Variants in MYO5B observed in about 807,000 individuals in gnomAD.
MYO5B encodes the protein unconventional myosin-Vb.
In MYO5B, 143 loss-of-function variants were observed where a neutral mutation model predicts 229.3. The ratio of observed to expected loss-of-function variants is 0.62; its 90% CI spans 0.54 to 0.72. The LOEUF (loss-of-function observed/expected upper bound fraction) is 0.72. MYO5B is among the 30% of genes least tolerant of loss of function. MYO5B has a pLI of 0.00. For synonymous variants in MYO5B, 918 were observed against 885.2 expected (o/e 1.04, Z -0.66); for missense variants, 2,321 against 2,331.0 (o/e 1.00, Z 0.09).
rs1276857378 is a variant in MYO5B, at chr18:49,837,744, G to A, written c.4911C>T (p.Gly1637=). ...CCATGCTGGAGGAGCGCTTCCGGTA[G>A]CCGGTGGGCTTCACACCAGATAGAC... ...IQGLSGVKPT[G]YRKRSSSMAD... Residue 1637 remains glycine (G), a synonymous_variant, in exon 37 of 40, where the codon GGC becomes GGT. Coordinates refer to ENST00000285039, the MANE Select transcript of MYO5B (RefSeq NM_001080467.3). 2.5e-6 allele frequency: 4 copies of A among 1,614,064 alleles called. No homozygotes were observed. Among genetic ancestry groups the A allele is most frequent in the Non-Finnish European group, 3.4e-6 (4 of 1,180,038 alleles).
intron 2 of MYO5B, among the ~76,000 whole-genome samples, chr18:50,053,890 C>A (rs2030471600): frequency 6.6e-6 from 1 of 152,152 alleles, no homozygotes; most frequent in Non-Finnish European, 1.5e-5. Context: ...TATCTCCAAC[C>A]CAAACCTTTT....
In MYO5B at chr18:49,887,600, A is replaced by G. The variant is rs538954204; in HGVS notation, c.3046-7145T>C. On this transcript the variant is annotated intron_variant, in intron 22 of 39. Coordinates refer to ENST00000285039, the MANE Select transcript of MYO5B (RefSeq NM_001080467.3). ...CTCCCTGAGGCCCTCATCAGGACAG[A>G]TGCCAGCACTACACTTCCTGTACAG... Among the ~76,000 whole-genome samples the G allele has an allele frequency of 3.9e-5, 6 of 152,226 alleles. No individual in the cohort carries two copies. In the East Asian group the frequency reaches 1.2e-3, roughly 29 times the overall value.
chr18:50,166,014 C>T (rs2032846115), intron 1 of MYO5B, among the ~76,000 whole-genome samples: 2 of 152,194 alleles, frequency 1.3e-5, no homozygotes, highest in African/African-American at 4.8e-5. Context: ...CAAGCATGCT[C>T]CCACCAAAGT....
intron 4 of MYO5B, among the ~76,000 whole-genome samples, chr18:50,024,272 T>G (rs1172060954): frequency 6.6e-6 from 1 of 152,184 alleles, no homozygotes; most frequent in East Asian, 1.9e-4. Context: ...AGACTCTAAA[T>G]AGTTCAAACA....
intron 14 of MYO5B, among the ~76,000 whole-genome samples, chr18:49,950,855 A>G (rs530413835): frequency 2.0e-4 from 30 of 152,312 alleles, no homozygotes; most frequent in African/African-American, 7.2e-4. Flanking sequence ...TGCATCTGCT[A>G]TCCTTAGAAA....
intron 1 of MYO5B, among the ~76,000 whole-genome samples, chr18:50,072,570 G>A (rs969027066): frequency 2.6e-5 from 4 of 152,070 alleles, no homozygotes; most frequent in African/African-American, 7.2e-5. Context: ...ACCTCACAAG[G>A]GCATCAAAAG....
intron 4 of MYO5B, among the ~76,000 whole-genome samples, chr18:50,002,232 C>A (rs1279522376): frequency 3.3e-5 from 5 of 152,020 alleles, no homozygotes; most frequent in African/African-American, 1.2e-4. Context: ...ATAGGTAGGT[C>A]ACAAAGGGCA....
intron 1 of MYO5B, among the ~76,000 whole-genome samples, chr18:50,062,268 A>G (rs900165811): frequency 6.6e-6 from 1 of 152,186 alleles, no homozygotes; most frequent in African/African-American, 2.4e-5. Flanking sequence ...CAGTTGCAAC[A>G]ACGCCTTGAC....
At chr18:49,912,226 C>T (rs374426317) in intron 17 of MYO5B, 53 bp from the exon 18 acceptor site, 66 of 1,403,310 alleles carry the variant, frequency 4.7e-5, no homozygotes, top group Non-Finnish European at 6.6e-5. Context: ...CTTGGCCACA[C>T]AAAAGCCAGG....
At chr18:50,002,375 C>G (rs112766396) in intron 4 of MYO5B, among the ~76,000 whole-genome samples, 166 of 151,908 alleles carry the variant, frequency 1.1e-3, no homozygotes, top group African/African-American at 3.7e-3. Flanking sequence ...GATAGAAACA[C>G]CTCTGTAGTT....
intron 1 of MYO5B, among the ~76,000 whole-genome samples, chr18:50,123,452 A>G (rs1391789427): frequency 2.0e-5 from 3 of 152,214 alleles, no homozygotes; most frequent in African/African-American, 7.2e-5. Context: ...AAAATTGGCC[A>G]GGTGAGGTGG....
Position 49,870,294 on chromosome 18 carries a change from A to C in MYO5B, c.3603+1873T>G, listed in dbSNP as rs145110866. On this transcript the variant is annotated intron_variant, in intron 27 of 39. Transcript: ENST00000285039. Reference sequence around the variant, plus strand: ...CACATCTTCAACAAAGATTAACTCAAAGTGGATCAAAGGCCTAAATGTAAG... The same window carrying C: ...CACATCTTCAACAAAGATTAACTCACAGTGGATCAAAGGCCTAAATGTAAG... 2.7e-3 allele frequency among the ~76,000 whole-genome samples: 412 copies of C among 152,330 alleles called. 2 individuals are homozygous for C. The highest frequency in any genetic ancestry group is 9.6e-3 in the African/African-American group (399 of 41,578).
Position 49,855,749 on chromosome 18 carries a change from G to A in MYO5B, c.4022+1064C>T, listed in dbSNP as rs116292856. 2.8e-3 allele frequency among the ~76,000 whole-genome samples: 420 copies of A among 152,308 alleles called. 2 individuals are homozygous for A. The highest frequency in any genetic ancestry group is 9.5e-3 in the African/African-American group (393 of 41,568). On this transcript the variant is annotated intron_variant, in intron 30 of 39. Coordinates refer to ENST00000285039, the MANE Select transcript of MYO5B (RefSeq NM_001080467.3). ...TTGTGGGGCCACATCTGAACCCAGA[G>A]AAACACTACCCTGTCAATCAGCTGA...
In MYO5B at chr18:49,984,740, A is replaced by G. The variant is rs2025852941; in HGVS notation, c.924T>C (p.Thr308=). ...GVDDAEDFEK[T]RQAFTLLGVK... The stretch of plus-strand genomic sequence containing the variant: ...TACCGAGGAGTGTGAAGGCTTGTCG[A>G]GTCTTCTCAAAGTCCTCAGCATCGT... The change falls in exon 8 of 40, where the codon ACT becomes ACC. Residue 308 remains threonine, a synonymous_variant. Transcript: ENST00000285039. 1.2e-6 allele frequency: 2 copies of G among 1,612,964 alleles called. No homozygotes were observed. The highest frequency in any genetic ancestry group is 1.7e-6 in the Non-Finnish European group (2 of 1,178,924).
chr18:49,997,326 T>C (rs901645218), intron 5 of MYO5B, among the ~76,000 whole-genome samples: 6 of 147,638 alleles, frequency 4.1e-5, no homozygotes, highest in Admixed American at 3.3e-4. Flanking sequence ...ATATCTGGTC[T>C]TCATCATCAT....
rs11426659 is a variant in MYO5B, at chr18:50,136,364, CTTTTTTT to C, written c.27+58396_27+58402del. 3.3e-4 allele frequency among the ~76,000 whole-genome samples: 43 copies of C among 131,782 alleles called. 1 individual carries two copies. Among genetic ancestry groups the C allele is most frequent in the African/African-American group, 1.2e-3 (42 of 34,710 alleles). 86.5% of individuals were successfully genotyped at this position (131,782 alleles called of 152,430 possible). A position where few individuals can be genotyped will look rare whatever the true frequency, so the allele number is the denominator to read the frequency against. On this transcript the variant is annotated intron_variant, in intron 1 of 39. Coordinates refer to ENST00000285039, the MANE Select transcript of MYO5B (RefSeq NM_001080467.3). Reference sequence around the variant, plus strand: ...ATATTTGTTTTTTGTTTTTTTTTTACTTTTTTTTTTTTTTTTGCATCCATGCAAATTG... The same window carrying C: ...ATATTTGTTTTTTGTTTTTTTTTTACTTTTTTTTTGCATCCATGCAAATTG...
Position 49,962,193 on chromosome 18 carries a change from T to G in MYO5B, c.1545+73A>C, listed in dbSNP as rs2025566949. The G allele has an allele frequency of 9.4e-6, 15 of 1,593,214 alleles. No individual in the cohort carries two copies. In the South Asian group the frequency reaches 1.1e-4, roughly 12 times the overall value. ...GCTGATCACAGATGAAATTCCACCTTTGAGATCTTATGTGATTTCCTTGTA... is the reference window on the plus strand; with the variant it reads ...GCTGATCACAGATGAAATTCCACCTGTGAGATCTTATGTGATTTCCTTGTA... On this transcript the variant is annotated intron_variant, in intron 12 of 39. Transcript: ENST00000285039.
At chr18:49,902,553 C>T in intron 21 of MYO5B, 41 bp downstream of exon 21, 1 of 1,604,212 alleles carries the variant, frequency 6.2e-7, no homozygotes, top group Non-Finnish European at 8.5e-7. Context: ...GCTCCAGTAC[C>T]CAAGCCCCCG....
chr18:49,973,988 T>C (rs1357623976), intron 10 of MYO5B, among the ~76,000 whole-genome samples: 1 of 152,184 alleles, frequency 6.6e-6, no homozygotes, highest in Non-Finnish European at 1.5e-5. Flanking sequence ...AGAACTTGAA[T>C]TTAAGTTCCA....
Sources: gnomAD v4.1 joint callset for allele counts (sites outside exome capture counted in the v4.1 genomes callset) on GRCh38, gnomAD v4.1.1 for gene constraint, MANE v1.5 for transcripts, NCBI Gene and HGNC (gene_info 2026-07-23, HGNC 2026-07-21) for gene names.